The following HYDIN variants were observed in gnomAD, a reference collection of about 807,000 sequenced individuals.
HYDIN encodes the protein HYDIN axonemal central pair apparatus protein.
HYDIN carries 132 observed loss-of-function variants against 403.9 expected under a neutral mutation model. The observed-to-expected ratio is 0.33, with a 90% CI of 0.28 to 0.38. The LOEUF (loss-of-function observed/expected upper bound fraction) is 0.38. HYDIN is among the 10% of genes least tolerant of loss of function. The probability of loss-of-function intolerance (pLI) is 1.00; values close to 1 mark genes in which losing one functional copy is unlikely to be tolerated. For synonymous variants in HYDIN, 1,202 were observed against 1,891.7 expected (o/e 0.64, Z 9.46); for missense variants, 2,827 against 5,009.5 (o/e 0.56, Z 13.15).
At chr16:71,218,155 A>ATT (rs1373938467) in intron 1 of HYDIN, among the ~76,000 whole-genome samples, 1 of 152,210 alleles carries the variant, frequency 6.6e-6, no homozygotes, top group Non-Finnish European at 1.5e-5. Context: ...AGCTCCTAGA[A>ATT]TTTAGCAAGC....
intron 46 of HYDIN, among the ~76,000 whole-genome samples, chr16:70,919,677 GTC>G: frequency 6.6e-6 from 1 of 152,126 alleles, no homozygotes; most frequent in Non-Finnish European, 1.5e-5. Context: ...GTGAAACCCT[GTC>G]TCTACTAAAG....
intron 10 of HYDIN, among the ~76,000 whole-genome samples, chr16:71,094,179 G>A (rs2083202607): frequency 6.6e-6 from 1 of 151,756 alleles, no homozygotes; most frequent in African/African-American, 2.4e-5. Flanking sequence ...ATATAATTCT[G>A]GAAAAACAAA....
At chr16:70,965,613 C>A (rs1348435537) in intron 36 of HYDIN, among the ~76,000 whole-genome samples, 2 of 152,168 alleles carry the variant, frequency 1.3e-5, no homozygotes, top group Non-Finnish European at 2.9e-5. Flanking sequence ...TTTTAAAAAG[C>A]ATTTACTTCT....
chr16:70,925,023 C>A (rs1372714072), intron 45 of HYDIN, among the ~76,000 whole-genome samples: 1 of 152,118 alleles, frequency 6.6e-6, no homozygotes, highest in East Asian at 1.9e-4. Flanking sequence ...TAGCCCCGCC[C>A]TCCCAGGGAC....
At chr16:71,059,711 G>C (rs1212627800) in intron 18 of HYDIN, among the ~76,000 whole-genome samples, 5 of 152,050 alleles carry the variant, frequency 3.3e-5, no homozygotes, top group African/African-American at 1.2e-4. Flanking sequence ...AAAATAATCT[G>C]CACACCAAAC....
intron 29 of HYDIN, among the ~76,000 whole-genome samples, chr16:70,979,679 C>T (rs1418171411): frequency 6.6e-6 from 1 of 152,108 alleles, no homozygotes; most frequent in Non-Finnish European, 1.5e-5. Flanking sequence ...GCCTGTAATC[C>T]TAGCACTTTG....
At chr16:71,071,788 A>C (rs1243197015) in intron 13 of HYDIN, among the ~76,000 whole-genome samples, 1 of 152,200 alleles carries the variant, frequency 6.6e-6, no homozygotes, top group Non-Finnish European at 1.5e-5. Flanking sequence ...TAGAGAAAGG[A>C]CCCTATCTAA....
intron 1 of HYDIN, among the ~76,000 whole-genome samples, chr16:71,225,246 C>T (rs564045816): frequency 3.9e-5 from 6 of 152,200 alleles, no homozygotes; most frequent in African/African-American, 7.2e-5. Flanking sequence ...GCAGGTTTTT[C>T]GTAGCAGACT....
At chr16:70,948,654 A>G (rs1413770072) in intron 41 of HYDIN, among the ~76,000 whole-genome samples, 2 of 151,740 alleles carry the variant, frequency 1.3e-5, no homozygotes, top group Non-Finnish European at 3.0e-5. Flanking sequence ...AAAGGACATG[A>G]ACAGACACTT....
chr16:71,069,834 G>T (rs1198166956), intron 13 of HYDIN, among the ~76,000 whole-genome samples: 1 of 152,200 alleles, frequency 6.6e-6, no homozygotes, highest in Non-Finnish European at 1.5e-5. Context: ...TTAGTAGTTG[G>T]CTGAGTAGTC....
Position 71,175,598 on chromosome 16 carries a change from T to C in HYDIN, c.516+9A>G, listed in dbSNP as rs767276022. The C allele has an allele frequency of 1.9e-6, 3 of 1,613,098 alleles. No individual in the cohort carries two copies. In the South Asian group the frequency reaches 3.3e-5, roughly 18 times the overall value. The stretch of plus-strand genomic sequence containing the variant: ...CAAGTGTCCAATTTCTTGCCATTCC[T>C]GGTATTACCTTGTTCTCCTCTGGAG... On this transcript the variant is annotated intron_variant, in intron 5 of 85. Transcript: ENST00000393567.
intron 39 of HYDIN, chr16:70,959,343 A>G (rs2078338864): frequency 1.0e-5 from 2 of 190,664 alleles, no homozygotes; most frequent in African/African-American, 4.8e-5. Context: ...AGTATTTACT[A>G]TGTGCCAAGT....
chr16:70,926,354 T>C (rs1325764457), intron 45 of HYDIN, among the ~76,000 whole-genome samples: 2 of 151,534 alleles, frequency 1.3e-5, no homozygotes, highest in Non-Finnish European at 2.9e-5. Flanking sequence ...AGTAAACTAT[T>C]GCAAGGACAA....
intron 5 of HYDIN, among the ~76,000 whole-genome samples, chr16:71,163,418 C>T (rs539723744): frequency 2.6e-5 from 4 of 152,306 alleles, no homozygotes; most frequent in South Asian, 2.1e-4. Flanking sequence ...CCACCGCGCC[C>T]GGCCGATGTT....
chr16:71,186,902 TA>T lies in HYDIN; in HGVS notation c.-8del. The T allele has an allele frequency of 1.2e-6, 2 of 1,607,276 alleles. No homozygotes were observed. Among genetic ancestry groups the T allele is most frequent in the Non-Finnish European group, 1.7e-6 (2 of 1,176,870 alleles). ...CAAGTCTTCTACTTGTCATTTTTAG[TA>T]ATTTTTTTTTCTCACCTAAGAGTGA... On this transcript the variant is annotated 5_prime_UTR_variant, in exon 2 of 86. Coordinates refer to ENST00000393567, the MANE Select transcript of HYDIN (RefSeq NM_001270974.2).
At chr16:70,960,933 C>T (rs1330446739) in intron 38 of HYDIN, among the ~76,000 whole-genome samples, 8 of 152,202 alleles carry the variant, frequency 5.3e-5, no homozygotes, top group East Asian at 3.9e-4. Context: ...CCTCATGATC[C>T]GCCTGCCTTG....
chr16:71,073,860 G>A (rs867705755), intron 13 of HYDIN, among the ~76,000 whole-genome samples: 86 of 152,038 alleles, frequency 5.7e-4, no homozygotes, highest in Non-Finnish European at 2.5e-4. Context: ...TGCTACTGCA[G>A]CTGTAGTCAA....
In HYDIN at chr16:70,803,689, G is replaced by A. The variant is rs2034989595; in HGVS notation, c.*3891C>T. Among the ~76,000 whole-genome samples, 2 of 152,234 alleles carry A rather than the reference G, an allele frequency of 1.3e-5. No homozygotes were observed. Among genetic ancestry groups the A allele is most frequent in the African/African-American group, 4.8e-5 (2 of 41,464 alleles). On this transcript the variant is annotated 3_prime_UTR_variant, in exon 86 of 86. Transcript: ENST00000393567. ...ACTGTGCAAAGCAGTTTCTCCAACAGCAATGTAATTGTAGCTGGAGTTTCA... is the reference window on the plus strand; with the variant it reads ...ACTGTGCAAAGCAGTTTCTCCAACAACAATGTAATTGTAGCTGGAGTTTCA...
intron 72 of HYDIN, among the ~76,000 whole-genome samples, 171 bp from the exon 73 acceptor site, chr16:70,855,446 G>C (rs554345447): frequency 6.6e-6 from 1 of 152,424 alleles, no homozygotes; most frequent in Non-Finnish European, 1.5e-5. Context: ...TTCTTTCGGG[G>C]ATTCCATGTC....
Sources: gnomAD v4.1 joint callset for allele counts (sites outside exome capture counted in the v4.1 genomes callset) on GRCh38, gnomAD v4.1.1 for gene constraint, MANE v1.5 for transcripts, NCBI Gene and HGNC (gene_info 2026-07-23, HGNC 2026-07-21) for gene names.